Variants in DZIP1L observed in about 807,000 individuals in gnomAD.
The protein encoded by DZIP1L is cilium assembly protein DZIP1L.
A neutral mutation model predicts 88.7 loss-of-function variants in DZIP1L; 90 were observed. That is an observed-to-expected ratio of 1.02 (90% CI 0.86 to 1.21). The LOEUF is 1.21. Among genes scored for constraint, DZIP1L ranks in the 50% most tolerant of loss-of-function variants. The pLI is 0.00. For synonymous variants in DZIP1L, 363 were observed against 372.1 expected (o/e 0.98, Z 0.28); for missense variants, 932 against 955.8 (o/e 0.98, Z 0.33).
At chr3:138,064,454 C>T (rs1470872447) in intron 15 of DZIP1L, 174 bp downstream of exon 15, 3 of 1,586,720 alleles carry the variant, frequency 1.9e-6, no homozygotes, top group Non-Finnish European at 2.6e-6. Context: ...ACAAGTATTC[C>T]AAACTGGCCA....
intron 15 of DZIP1L, 108 bp downstream of exon 15, chr3:138,064,520 A>G: frequency 6.2e-7 from 1 of 1,612,872 alleles, no homozygotes; most frequent in South Asian, 1.1e-5. Context: ...CACTAGGGCA[A>G]AGGATGACAC....
At chr3:138,092,301 T>C in intron 5 of DZIP1L, 82 bp downstream of exon 5, 1 of 1,401,178 alleles carries the variant, frequency 7.1e-7, no homozygotes, top group Non-Finnish European at 9.4e-7. Flanking sequence ...GCAGATGAAA[T>C]AAAACCAGTA....
chr3:138,078,253 G>A (rs1359127410), intron 10 of DZIP1L, among the ~76,000 whole-genome samples: 1 of 152,226 alleles, frequency 6.6e-6, no homozygotes, highest in Non-Finnish European at 1.5e-5. Context: ...GTGTTCTTCA[G>A]GTTCCATCTG....
At chr3:138,106,300 G>A (rs1423145038) in intron 1 of DZIP1L, among the ~76,000 whole-genome samples, 3 of 150,386 alleles carry the variant, frequency 2.0e-5, no homozygotes, top group East Asian at 2.0e-4. Flanking sequence ...CACCACACCT[G>A]GCTAATTTTT....
Position 138,077,619 on chromosome 3 carries a change from GGA to G in DZIP1L, c.1300_1301del (p.Ser434ProfsTer3). On this transcript the variant is annotated frameshift_variant, in exon 11 of 16. Coordinates refer to ENST00000327532, the MANE Select transcript of DZIP1L (RefSeq NM_173543.3). LOFTEE classifies it high-confidence loss of function. The part of the protein sequence containing the change: ...EDSPEEEMED[S>X]QDEQHKVLAA... ...CCAGCACCTTGTGCTGTTCATCCTG[GGA>G]GTCCTCCATCTCTGTAGCATGAGAC... 6.2e-7 allele frequency: 1 copy of G among 1,614,054 alleles called. No homozygotes were observed. Among genetic ancestry groups the G allele is most frequent in the Non-Finnish European group, 8.5e-7 (1 of 1,179,990 alleles).
Position 138,080,640 on chromosome 3 carries a change from T to C in DZIP1L, c.1235-20A>G, listed in dbSNP as rs187644900. ...GGATCCCTGAAGAGAGGAGGAACAG[T>C]TAGTGGCACCAGTGCTCTGGACCCC... On this transcript the variant is annotated intron_variant, in intron 9 of 15. Coordinates refer to ENST00000327532, the MANE Select transcript of DZIP1L (RefSeq NM_173543.3). 93 of 1,611,706 alleles carry C rather than the reference T, an allele frequency of 5.8e-5. No individual in the cohort carries two copies. The highest frequency in any genetic ancestry group is 3.3e-4 in the Admixed American group (20 of 59,990).
At chr3:138,106,384 C>T (rs1372110873) in intron 1 of DZIP1L, among the ~76,000 whole-genome samples, 4 of 151,080 alleles carry the variant, frequency 2.6e-5, no homozygotes, top group Non-Finnish European at 5.9e-5. Flanking sequence ...GTGATCCACC[C>T]GCCTCAGCCT....
chr3:138,107,771 T>C (rs901442957), intron 1 of DZIP1L, among the ~76,000 whole-genome samples: 1 of 152,186 alleles, frequency 6.6e-6, no homozygotes, highest in African/African-American at 2.4e-5. Flanking sequence ...TCCTGGGCTA[T>C]GGAGCCATAT....
At chr3:138,084,366 T>G in intron 7 of DZIP1L, 113 bp from the exon 8 acceptor site, 1 of 1,387,486 alleles carries the variant, frequency 7.2e-7, no homozygotes, top group Non-Finnish European at 9.5e-7. Context: ...GTAAAGGATT[T>G]TGAGACCTGG....
chr3:138,086,868 G>C, intron 7 of DZIP1L, 93 bp downstream of exon 7: 1 of 1,310,376 alleles, frequency 7.6e-7, no homozygotes. Flanking sequence ...GGTGAGATAG[G>C]GGAGATGGTG....
At chr3:138,100,851 C>T (rs371180770) in intron 2 of DZIP1L, among the ~76,000 whole-genome samples, 7 of 152,164 alleles carry the variant, frequency 4.6e-5, no homozygotes, top group African/African-American at 1.7e-4. Context: ...GGCAAATGTC[C>T]CTAATCCATA....
chr3:138,068,366 G>T lies in DZIP1L; in HGVS notation c.1617C>A (p.Val539=). The change falls in exon 13 of 16, where the codon GTC becomes GTA. Residue 539 remains valine, a splice_region_variant and synonymous_variant. Coordinates refer to ENST00000327532, the MANE Select transcript of DZIP1L (RefSeq NM_173543.3). ...TGACCAGTGTGCTCTGCTGGCTTTT[G>T]ACTGGAAACACAGAAAGGAATGATT... The part of the protein sequence containing the change: ...VVSQPDGQPS[V]KSQQSTLVTR... 6.7e-7 allele frequency: 1 copy of T among 1,496,496 alleles called. No individual in the cohort carries two copies. The highest frequency in any genetic ancestry group is 1.3e-5 in the South Asian group (1 of 74,420). The allele number at this position is 1,496,496 out of a possible 1,614,324, so 92.7% of individuals were successfully genotyped here.
At chr3:138,068,981 T>G in intron 12 of DZIP1L, 1 of 1,275,276 alleles carries the variant, frequency 7.8e-7, no homozygotes, top group Non-Finnish European at 9.9e-7. Context: ...CATGTGTGGA[T>G]TGGGTCACAA....
chr3:138,104,644 T>C (rs1474882555), intron 1 of DZIP1L, among the ~76,000 whole-genome samples: 1 of 152,226 alleles, frequency 6.6e-6, no homozygotes, highest in African/African-American at 2.4e-5. Flanking sequence ...CGTGTGATCA[T>C]ATGACTAAGT....
rs1943191410 is a variant in DZIP1L at position 138,071,772 on chromosome 3, C to T, written c.1486G>A (p.Glu496Lys). 6.2e-7 allele frequency: 1 copy of T among 1,614,186 alleles called. No homozygotes were observed. Among genetic ancestry groups the T allele is most frequent in the Non-Finnish European group, 8.5e-7 (1 of 1,180,038 alleles). The change falls in exon 12 of 16, where the codon GAG becomes AAG. Residue 496 changes from glutamate (E) to lysine (K), a missense_variant. Physicochemically the swap from Glu to Lys is moderately conservative, Grantham distance 56. Coordinates refer to ENST00000327532, the MANE Select transcript of DZIP1L (RefSeq NM_173543.3). ...HLESLLRVQR[E>K]QKARKFSEFL... ...TCAGAAAACTTCCGGGCCTTCTGCT[C>T]CCGCTGGACTCTCAGCAGGGATTCC...
At position 138,068,226 on chromosome 3, in the gene DZIP1L, T is replaced by G; in HGVS notation, c.1757A>C (p.Gln586Pro). ...SHGSHGSSLT[Q>P]VSAPAPRPGL... is the part of the protein sequence containing the mutation. ...GGGGCGTGGAGCGGGGGCGGACACC[T>G]GGGTCAGGCTGGAGCCATGGCTGCC... The change falls in exon 13 of 16, where the codon CAG becomes CCG. Residue 586 changes from glutamine (Q) to proline (P), a missense_variant. Physicochemically the swap from Gln to Pro is moderately conservative, Grantham distance 76 (BLOSUM62 -1). Transcript: ENST00000327532. 1 of 1,593,920 alleles carries G rather than the reference T, an allele frequency of 6.3e-7. No individual in the cohort carries two copies. Among genetic ancestry groups the G allele is most frequent in the Non-Finnish European group, 8.5e-7 (1 of 1,169,594 alleles).
At chr3:138,075,197 A>G (rs1284152192) in intron 11 of DZIP1L, among the ~76,000 whole-genome samples, 2 of 152,228 alleles carry the variant, frequency 1.3e-5, no homozygotes, top group East Asian at 3.8e-4. Context: ...ACAGCAACAC[A>G]ATAATAGTGG....
Position 138,062,886 on chromosome 3 carries a change from C to A in DZIP1L, c.2234G>T (p.Arg745Leu). 6.2e-7 allele frequency: 1 copy of A among 1,614,146 alleles called. No individual in the cohort carries two copies. Among genetic ancestry groups the A allele is most frequent in the Non-Finnish European group, 8.5e-7 (1 of 1,180,022 alleles). Residue 745 changes from arginine to leucine, a missense_variant, in exon 16 of 16, where the codon CGC becomes CTC. By Grantham distance (102) the Arg-to-Leu change is moderately radical. Transcript: ENST00000327532. Reference protein sequence around the residue: ...DQREKPKPLSRSKLPEKFGTG... With the variant: ...DQREKPKPLSLSKLPEKFGTG... ...GCCAAACTTCTCTGGGAGCTTTGAG[C>A]GAGACAAGGGCTTGGGTTTCTCTCT... is the stretch of plus-strand genomic sequence containing the variant.
intron 14 of DZIP1L, among the ~76,000 whole-genome samples, chr3:138,066,181 G>C (rs1559820517): frequency 6.6e-6 from 1 of 152,212 alleles, no homozygotes; most frequent in Non-Finnish European, 1.5e-5. Flanking sequence ...CAATTGAGTT[G>C]TTGCAAAAAG....
Sources: gnomAD v4.1 joint callset for allele counts (sites outside exome capture counted in the v4.1 genomes callset) on GRCh38, gnomAD v4.1.1 for gene constraint, MANE v1.5 for transcripts, NCBI Gene and HGNC (gene_info 2026-07-23, HGNC 2026-07-21) for gene names.